MRPL1: variants seen among roughly 807,000 people sequenced by gnomAD.
MRPL1 encodes large ribosomal subunit protein uL1m.
In MRPL1, 28 loss-of-function variants were observed where a neutral mutation model predicts 38.0. The ratio of observed to expected loss-of-function variants is 0.74; its 90% CI spans 0.55 to 1.01. MRPL1 has a LOEUF of 1.01. Ranked by LOEUF, MRPL1 falls within the 50% of genes least tolerant of loss-of-function variation. MRPL1 has a pLI of 0.00. For synonymous variants in MRPL1, 123 were observed against 126.7 expected, an observed-to-expected ratio of 0.97 and a Z score of 0.20; for missense variants, 358 against 389.8, an observed-to-expected ratio of 0.92 and a Z score of 0.69.
chr4:77,864,604 AC>A (rs1326755680), intron 1 of MRPL1: 1 of 152,224 alleles, frequency 6.6e-6, no homozygotes, highest in Non-Finnish European at 1.5e-5. Flanking sequence ...TCTGAAATAT[AC>A]GTTTTCCTCA....
rs750175185 is a variant in MRPL1 at position 77,885,348 on chromosome 4, C to T, written c.486+9C>T. 3 of 1,591,606 alleles carry T rather than the reference C, an allele frequency of 1.9e-6. No individual in the cohort carries two copies. Among genetic ancestry groups the T allele is most frequent in the East Asian group, 2.2e-5 (1 of 44,736 alleles). ...TTGCTGTATTTACAGAGGTGAGTAA[C>T]TTCCGTCAACTATTTATATCATTTA... On this transcript the variant is annotated intron_variant, in intron 4 of 8. Coordinates refer to ENST00000315567, the MANE Select transcript of MRPL1 (RefSeq NM_020236.4).
intron 7 of MRPL1, among the ~76,000 whole-genome samples, chr4:77,923,835 G>A (rs1736645335): frequency 6.6e-6 from 1 of 152,048 alleles, no homozygotes; most frequent in African/African-American, 2.4e-5. Context: ...TACTTGGAAG[G>A]CTGAGGCAGG....
intron 5 of MRPL1, 21 bp from the exon 6 acceptor site, chr4:77,894,118 C>CTT: frequency 5.4e-5 from 60 of 1,117,024 alleles, no homozygotes; most frequent in Admixed American, 1.1e-4. Context: ...CTGAGGTCAC[C>CTT]TTTTTTTTTT....
chr4:77,917,202 CT>C (rs1436788236), intron 7 of MRPL1, among the ~76,000 whole-genome samples: 1 of 152,104 alleles, frequency 6.6e-6, no homozygotes, highest in Admixed American at 6.6e-5. Flanking sequence ...CCACAACTCT[CT>C]TTTTTGTGTA....
rs112170951 is a variant in MRPL1, at chr4:77,870,353, A to G, written c.32-1391A>G. Among the ~76,000 whole-genome samples the G allele has an allele frequency of 2.8e-3, 430 of 152,238 alleles. 3 individuals are homozygous for G. The highest frequency in any genetic ancestry group is 0.014 in the Middle Eastern group (4 of 294). ...GTGTTTGCCAAGCTTCGAATGGATA[A>G]TTGCTTGTTCCTTCATTTATCATAC... On this transcript the variant is annotated intron_variant, in intron 1 of 8. Transcript: ENST00000315567.
At chr4:77,892,225 G>A (rs1243057857) in intron 5 of MRPL1, among the ~76,000 whole-genome samples, 3 of 151,468 alleles carry the variant, frequency 2.0e-5, no homozygotes, top group Non-Finnish European at 2.9e-5. Flanking sequence ...TCCACCTCCC[G>A]GGTTCAAGCA....
chr4:77,913,535 A>G (rs1736339367), intron 7 of MRPL1, among the ~76,000 whole-genome samples: 1 of 152,214 alleles, frequency 6.6e-6, no homozygotes, highest in South Asian at 2.1e-4. Context: ...GCACTCTTAC[A>G]GCGTTTGTGG....
intron 7 of MRPL1, among the ~76,000 whole-genome samples, chr4:77,926,601 T>C (rs1338624794): frequency 7.3e-6 from 1 of 136,622 alleles, no homozygotes; most frequent in Non-Finnish European, 1.5e-5. Flanking sequence ...TTATAGTTTT[T>C]TTCTTTTTTA....
intron 1 of MRPL1, 179 bp downstream of exon 1, chr4:77,863,058 C>T (rs982892824): frequency 8.3e-6 from 6 of 724,382 alleles, no homozygotes; most frequent in African/African-American, 1.8e-5. Flanking sequence ...GGGTTTCACT[C>T]CATTCTGGAG....
At chr4:77,896,828 C>T (rs1342668019) in intron 6 of MRPL1, among the ~76,000 whole-genome samples, 1 of 151,974 alleles carries the variant, frequency 6.6e-6, no homozygotes, top group East Asian at 1.9e-4. Context: ...TTTTCAAATG[C>T]ACATTTGGCT....
At chr4:77,920,434 T>G (rs1368484981) in intron 7 of MRPL1, among the ~76,000 whole-genome samples, 1 of 152,188 alleles carries the variant, frequency 6.6e-6, no homozygotes, top group African/African-American at 2.4e-5. Context: ...AAAGAGAAAT[T>G]AATCCATATT....
chr4:77,937,588 C>T (rs1486725550), intron 7 of MRPL1, among the ~76,000 whole-genome samples: 1 of 152,220 alleles, frequency 6.6e-6, no homozygotes, highest in Non-Finnish European at 1.5e-5. Context: ...TCTCTCCTTC[C>T]TGCAGGTACC....
intron 6 of MRPL1, among the ~76,000 whole-genome samples, chr4:77,894,973 A>T (rs1735881302): frequency 1.3e-5 from 2 of 152,274 alleles, no homozygotes; most frequent in South Asian, 4.1e-4. Flanking sequence ...AGGTACAAGA[A>T]ATATTAATTA....
intron 6 of MRPL1, among the ~76,000 whole-genome samples, chr4:77,895,638 AT>A (rs1735896282): frequency 6.6e-6 from 1 of 152,114 alleles, no homozygotes; most frequent in Admixed American, 6.5e-5. Context: ...TTCTGCTAAA[AT>A]TTTTATATAT....
intron 7 of MRPL1, among the ~76,000 whole-genome samples, chr4:77,923,103 T>C (rs550978519): frequency 6.6e-6 from 1 of 152,298 alleles, no homozygotes; most frequent in Admixed American, 6.5e-5. Context: ...TTTATCTATT[T>C]ATTTATTTTT....
At chr4:77,932,972 C>T (rs750413539) in intron 7 of MRPL1, among the ~76,000 whole-genome samples, 16 of 151,666 alleles carry the variant, frequency 1.1e-4, no homozygotes, top group African/African-American at 3.6e-4. Flanking sequence ...ATTTTGTTTG[C>T]GACAGGTCTT....
chr4:77,917,032 CAT>C (rs1329397597), intron 7 of MRPL1, among the ~76,000 whole-genome samples: 14 of 152,150 alleles, frequency 9.2e-5, no homozygotes, highest in East Asian at 3.8e-4. Context: ...AGTGTGAGCA[CAT>C]GTGTACTTTT....
chr4:77,875,588 G>T (rs1223620947), intron 2 of MRPL1, among the ~76,000 whole-genome samples: 2 of 151,772 alleles, frequency 1.3e-5, no homozygotes, highest in Non-Finnish European at 2.9e-5. Flanking sequence ...GGAGGTGGAG[G>T]TTGCAGTGAG....
intron 7 of MRPL1, among the ~76,000 whole-genome samples, chr4:77,941,590 C>T (rs1436170571): frequency 6.6e-6 from 1 of 152,030 alleles, no homozygotes; most frequent in African/African-American, 2.4e-5. Flanking sequence ...CTATTTCTTC[C>T]TGGTTTAATC....
Sources: gnomAD v4.1 joint callset for allele counts (sites outside exome capture counted in the v4.1 genomes callset) on GRCh38, gnomAD v4.1.1 for gene constraint, MANE v1.5 for transcripts, NCBI Gene and HGNC (gene_info 2026-07-23, HGNC 2026-07-21) for gene names.